Variants in BCAS3 observed in about 807,000 individuals in gnomAD.
BCAS3 encodes BCAS3 microtubule associated cell migration factor, also known as BCAS4/BCAS3 fusion.
Under a neutral mutation model 116.1 loss-of-function variants are expected in BCAS3, and 53 were observed. That is an observed-to-expected ratio of 0.46 (90% CI 0.37 to 0.57). The LOEUF (loss-of-function observed/expected upper bound fraction) is 0.57. BCAS3 is among the 20% of genes least tolerant of loss of function. The pLI is 0.00. For missense variants in BCAS3, 917 were observed against 1,165.4 expected, an observed-to-expected ratio of 0.79 and a Z score of 3.10; for synonymous variants, 391 against 408.2, an observed-to-expected ratio of 0.96 and a Z score of 0.51.
chr17:61,069,715 GT>G, intron 19 of BCAS3: 1 of 567,514 alleles, frequency 1.8e-6, no homozygotes, highest in South Asian at 2.0e-5. Context: ...GCGCACGCCT[GT>G]AATCCCAGCT....
At chr17:60,769,788 T>C (rs1439044746) in intron 6 of BCAS3, among the ~76,000 whole-genome samples, 1 of 152,062 alleles carries the variant, frequency 6.6e-6, no homozygotes, top group Non-Finnish European at 1.5e-5. Context: ...TTTTTTTATT[T>C]TTTGGAGATG....
rs984662957 is a variant in BCAS3 at position 61,118,901 on chromosome 17, T to A, written c.2425+34337T>A. On this transcript the variant is annotated intron_variant, in intron 22 of 23. Transcript: ENST00000407086. This position sits in a 1 kb window ranked among gnomAD's most constrained non-coding sequence, Gnocchi z 5.0. ...TTTTTTTTTGTTTCTTATTGCATAC[T>A]AACACTACCCCCAAAATGCATTTTG... Among the ~76,000 whole-genome samples the A allele has an allele frequency of 6.6e-6, 1 of 152,158 alleles. No homozygotes were observed. Among genetic ancestry groups the A allele is most frequent in the Non-Finnish European group, 1.5e-5 (1 of 68,028 alleles).
intron 22 of BCAS3, among the ~76,000 whole-genome samples, chr17:61,267,624 T>A (rs183264994): frequency 0.06 from 8,792 of 146,536 alleles, 264 homozygotes; most frequent in East Asian, 0.097. Flanking sequence ...GTAATCCTCC[T>A]GGATTACAGG....
intron 21 of BCAS3, among the ~76,000 whole-genome samples, chr17:61,080,115 G>A (rs1018849552): frequency 4.0e-5 from 6 of 151,780 alleles, no homozygotes; most frequent in Non-Finnish European, 8.8e-5. Context: ...ATGTTGGCCA[G>A]GCTGGTCTTG....
chr17:60,916,896 A>G (rs1285968692), intron 12 of BCAS3, among the ~76,000 whole-genome samples: 1 of 152,208 alleles, frequency 6.6e-6, no homozygotes, highest in East Asian at 1.9e-4. Flanking sequence ...GGATTTGAAT[A>G]AACATTTCTT....
rs533872404 is a variant in BCAS3, at chr17:61,088,086, G to A, written c.2425+3522G>A. 4.6e-5 allele frequency among the ~76,000 whole-genome samples: 7 copies of A among 152,266 alleles called. No homozygotes were observed. The South Asian group carries it at 1.5e-3, about 32-fold the overall frequency. On this transcript the variant is annotated intron_variant, in intron 22 of 23. Transcript: ENST00000407086. This position sits in a 1 kb window ranked among gnomAD's most constrained non-coding sequence, Gnocchi z 4.2. ...AATCCCAGCTACTCAGGAGGCTGAG[G>A]CACAAGAATTGCTTGAACCCGGGAG...
intron 22 of BCAS3, among the ~76,000 whole-genome samples, chr17:61,149,981 A>G (rs940692721): frequency 1.3e-5 from 2 of 152,200 alleles, no homozygotes; most frequent in Admixed American, 6.5e-5. Flanking sequence ...ACAAGACTGT[A>G]CAACTGCAGA....
chr17:61,246,792 A>AGAGT (rs932168562), intron 22 of BCAS3, among the ~76,000 whole-genome samples: 6 of 144,236 alleles, frequency 4.2e-5, no homozygotes, highest in Admixed American at 1.4e-4. Flanking sequence ...TTTGAGTGAG[A>AGAGT]GTGTGTGTGT....
intron 22 of BCAS3, among the ~76,000 whole-genome samples, chr17:61,117,315 A>G (rs1251057388): frequency 2.0e-5 from 3 of 152,326 alleles, no homozygotes; most frequent in Non-Finnish European, 2.9e-5. Flanking sequence ...TTTTGAGGCC[A>G]GGTATGATGG....
Position 61,021,266 on chromosome 17 carries a change from C to A in BCAS3, c.1637+5365C>A, listed in dbSNP as rs1451280090. On this transcript the variant is annotated intron_variant, in intron 16 of 23. Transcript: ENST00000407086. This position sits in a 1 kb window ranked among gnomAD's most constrained non-coding sequence, Gnocchi z 4.6. ...GTAGAGATTGGGTTTCTCTATGTTG[C>A]CCAAGCTGGTCTTGAACTCCTGGTC... 6.6e-6 allele frequency among the ~76,000 whole-genome samples: 1 copy of A among 152,022 alleles called. No homozygotes were observed. The highest frequency in any genetic ancestry group is 1.5e-5 in the Non-Finnish European group (1 of 67,974).
At chr17:60,725,487 C>T (rs1349204330) in intron 5 of BCAS3, among the ~76,000 whole-genome samples, 1 of 152,126 alleles carries the variant, frequency 6.6e-6, no homozygotes, top group Non-Finnish European at 1.5e-5. Flanking sequence ...AAGATGTGAG[C>T]ATTGTCTTGA....
chr17:61,323,510 C>T lies in BCAS3; in HGVS notation c.2426-44817C>T, dbSNP rs2055483100. Reference sequence around the variant, plus strand: ...TGTGAACTGAAGCTAATTTCTCCTACCTGGGAGGATTGATATGGAAGAGAA... The same window carrying T: ...TGTGAACTGAAGCTAATTTCTCCTATCTGGGAGGATTGATATGGAAGAGAA... On this transcript the variant is annotated intron_variant, in intron 22 of 23. Transcript: ENST00000407086. This position sits in a 1 kb window ranked among gnomAD's most constrained non-coding sequence, Gnocchi z 4.6. 6.6e-6 allele frequency among the ~76,000 whole-genome samples: 1 copy of T among 152,140 alleles called. No homozygotes were observed. Among genetic ancestry groups the T allele is most frequent in the Admixed American group, 6.5e-5 (1 of 15,270 alleles).
In BCAS3 at chr17:61,132,427, ACTGT is replaced by A. The variant is rs1252691117; in HGVS notation, c.2425+47868_2425+47871del. 6.6e-6 allele frequency among the ~76,000 whole-genome samples: 1 copy of A among 152,218 alleles called. No individual in the cohort carries two copies. Among genetic ancestry groups the A allele is most frequent in the Non-Finnish European group, 1.5e-5 (1 of 68,036 alleles). ...TCTACCAAATCTTAATGGTAGTCTC[ACTGT>A]CTGTGGCCATGTGAGCTATAATCTA... On this transcript the variant is annotated intron_variant, in intron 22 of 23. Coordinates refer to ENST00000407086, the MANE Select transcript of BCAS3 (RefSeq NM_017679.5). The surrounding 1 kb of genome is among the most constrained non-coding windows in gnomAD (Gnocchi z 5.1).
At chr17:61,223,232 A>C (rs1170049100) in intron 22 of BCAS3, among the ~76,000 whole-genome samples, 1 of 126,384 alleles carries the variant, frequency 7.9e-6, no homozygotes, top group Non-Finnish European at 1.5e-5. Flanking sequence ...GCTTTGGCTC[A>C]CTGCAACCTC....
chr17:61,085,281 C>G (rs531295771), intron 22 of BCAS3, among the ~76,000 whole-genome samples: 1 of 152,242 alleles, frequency 6.6e-6, no homozygotes, highest in South Asian at 2.1e-4. Context: ...CATCTGAAGA[C>G]AGCGCATGGC....
At chr17:61,303,661 C>G (rs2053622224) in intron 22 of BCAS3, among the ~76,000 whole-genome samples, 1 of 152,212 alleles carries the variant, frequency 6.6e-6, no homozygotes, top group Non-Finnish European at 1.5e-5. Context: ...AGTGTGCACC[C>G]TCTCTTCTTT....
Position 61,344,313 on chromosome 17 carries a change from A to G in BCAS3, c.2426-24014A>G, listed in dbSNP as rs570160504. Among the ~76,000 whole-genome samples, 9 of 152,166 alleles carry G rather than the reference A, an allele frequency of 5.9e-5. No individual in the cohort carries two copies. The highest frequency in any genetic ancestry group is 1.9e-4 in the African/African-American group (8 of 41,518). On this transcript the variant is annotated intron_variant, in intron 22 of 23. Coordinates refer to ENST00000407086, the MANE Select transcript of BCAS3 (RefSeq NM_017679.5). This position sits in a 1 kb window ranked among gnomAD's most constrained non-coding sequence, Gnocchi z 4.1. ...CAGTTGCTTCTCTTTTGTCAGAGAC[A>G]TGGGCCTCTTCAACCAAGTCTCTGG...
At chr17:61,254,923 T>G (rs1602221156) in intron 22 of BCAS3, among the ~76,000 whole-genome samples, 1 of 152,062 alleles carries the variant, frequency 6.6e-6, no homozygotes. Flanking sequence ...AGAAATTCAG[T>G]GAGAACATTT....
At chr17:60,822,293 A>G (rs572497444) in intron 7 of BCAS3, among the ~76,000 whole-genome samples, 31 of 152,272 alleles carry the variant, frequency 2.0e-4, no homozygotes, top group African/African-American at 7.5e-4. Flanking sequence ...AGCTATTTTA[A>G]TAAATATGCA....
Sources: allele counts gnomAD v4.1 joint callset (sites outside exome capture counted in the v4.1 genomes callset), GRCh38; gene constraint gnomAD v4.1.1; non-coding constraint Gnocchi (gnomAD v3.1); transcripts MANE v1.5; gene names NCBI Gene and HGNC (gene_info 2026-07-23, HGNC 2026-07-21).